The following HIVEP3 variants were observed in gnomAD, a reference collection of about 807,000 sequenced individuals.
The protein encoded by HIVEP3 is transcription factor HIVEP3.
Under a neutral mutation model 152.8 loss-of-function variants are expected in HIVEP3, and 49 were observed. The observed-to-expected ratio is 0.32, with a 90% CI of 0.26 to 0.41. The LOEUF (loss-of-function observed/expected upper bound fraction) is 0.41. Among genes scored for constraint, HIVEP3 ranks in the 10% least tolerant of loss-of-function variants. The pLI is 1.00. For missense variants in HIVEP3, 2,790 were observed against 3,103.3 expected, an observed-to-expected ratio of 0.90 and a Z score of 2.40; for synonymous variants, 1,269 against 1,289.0, an observed-to-expected ratio of 0.98 and a Z score of 0.33.
chr1:41,853,378 T>C (rs1219467238), intron 1 of HIVEP3, among the ~76,000 whole-genome samples: 1 of 152,094 alleles, frequency 6.6e-6, no homozygotes, highest in African/African-American at 2.4e-5. Flanking sequence ...TTTACAATCA[T>C]GGTGAAAGGT....
chr1:41,705,717 A>G (rs1034658497), intron 1 of HIVEP3, among the ~76,000 whole-genome samples: 5 of 152,248 alleles, frequency 3.3e-5, no homozygotes, highest in African/African-American at 4.8e-5. Context: ...AGGCAACTTC[A>G]GAGCGTGCAT....
At chr1:41,871,136 A>G (rs2124413625) in intron 1 of HIVEP3, among the ~76,000 whole-genome samples, 1 of 152,312 alleles carries the variant, frequency 6.6e-6, no homozygotes, top group South Asian at 2.1e-4. Context: ...AATCTCCAAG[A>G]TTTCCTATTA....
At chr1:41,813,033 T>A (rs1449190860) in intron 1 of HIVEP3, among the ~76,000 whole-genome samples, 1 of 152,186 alleles carries the variant, frequency 6.6e-6, no homozygotes, top group Non-Finnish European at 1.5e-5. Flanking sequence ...TTTCATTTTA[T>A]CTATTTTATT....
chr1:41,936,184 T>C (rs969666494), intron 1 of HIVEP3, among the ~76,000 whole-genome samples: 1 of 152,176 alleles, frequency 6.6e-6, no homozygotes, highest in Non-Finnish European at 1.5e-5. Context: ...CCAGAATCTC[T>C]GAACTATAAT....
chr1:41,766,680 A>T lies in HIVEP3; in HGVS notation c.-800-65685T>A, dbSNP rs527345748. Among the ~76,000 whole-genome samples the T allele has an allele frequency of 1.4e-4, 22 of 152,300 alleles. No individual in the cohort carries two copies. The South Asian group carries it at 4.3e-3, about 30-fold the overall frequency. On this transcript the variant is annotated intron_variant, in intron 1 of 8. Transcript: ENST00000372583. ...GGCACATCTGGACAGCACCTGCATC[A>T]CCAACTCCCTCTCTGCTGTGTTGGC... is the stretch of plus-strand genomic sequence containing the variant.
chr1:41,769,734 T>C lies in HIVEP3; in HGVS notation c.-800-68739A>G, dbSNP rs573277382. On this transcript the variant is annotated intron_variant, in intron 1 of 8. Coordinates refer to ENST00000372583, the MANE Select transcript of HIVEP3 (RefSeq NM_024503.5). ...ATTTGAGTAACAAAATAAACAACAATAGCATTGTATTATGACTCAAAGAAT... is the reference window on the plus strand; with the variant it reads ...ATTTGAGTAACAAAATAAACAACAACAGCATTGTATTATGACTCAAAGAAT... Among the ~76,000 whole-genome samples the C allele has an allele frequency of 2.6e-5, 4 of 152,194 alleles. No individual in the cohort carries two copies. In the South Asian group the frequency reaches 8.3e-4, roughly 32 times the overall value.
chr1:41,833,709 C>G (rs1339847591), intron 1 of HIVEP3, among the ~76,000 whole-genome samples: 2 of 152,174 alleles, frequency 1.3e-5, no homozygotes, highest in African/African-American at 4.8e-5. Flanking sequence ...ATGATGGACA[C>G]AAGAAGCACG....
At chr1:41,921,911 C>T (rs76942148), upstream of HIVEP3, among the ~76,000 whole-genome samples, 6,078 of 151,962 alleles carry the variant, frequency 0.04, 136 homozygotes, top group South Asian at 0.12. Flanking sequence ...CCAAAAAGTG[C>T]GCACACACAC....
At chr1:41,782,658 G>A (rs886744765) in intron 1 of HIVEP3, among the ~76,000 whole-genome samples, 3 of 151,638 alleles carry the variant, frequency 2.0e-5, no homozygotes, top group Admixed American at 6.6e-5. Context: ...CTTGAACCGG[G>A]GAGGTGGAGA....
intron 1 of HIVEP3, among the ~76,000 whole-genome samples, chr1:41,897,930 A>AGAGAGAGG (rs939274939): frequency 1.8e-5 from 2 of 109,880 alleles, no homozygotes; most frequent in African/African-American, 3.8e-5. Flanking sequence ...GAAAGACCTG[A>AGAGAGAGG]GAGAGAGGGA....
intron 1 of HIVEP3, among the ~76,000 whole-genome samples, chr1:41,958,839 G>C (rs566548104): frequency 6.4e-4 from 98 of 152,326 alleles, no homozygotes; most frequent in African/African-American, 2.3e-3. Context: ...CTTGGATGGT[G>C]GGTCAGGGGC....
intron 1 of HIVEP3, among the ~76,000 whole-genome samples, chr1:41,829,925 C>T (rs1642913952): frequency 6.6e-6 from 1 of 152,146 alleles, no homozygotes; most frequent in African/African-American, 2.4e-5. Flanking sequence ...CTTTTATTAT[C>T]ATTTGCATGT....
chr1:41,675,964 C>T (rs1570286366), intron 2 of HIVEP3, among the ~76,000 whole-genome samples: 1 of 150,892 alleles, frequency 6.6e-6, no homozygotes, highest in East Asian at 1.9e-4. Flanking sequence ...GACAGGACAG[C>T]TGGGGAACTG....
intron 1 of HIVEP3, among the ~76,000 whole-genome samples, chr1:41,754,844 T>G (rs1351408202): frequency 6.6e-6 from 1 of 152,204 alleles, no homozygotes; most frequent in East Asian, 1.9e-4. Context: ...AAAGATTTTT[T>G]AAAATGATAA....
intron 1 of HIVEP3, among the ~76,000 whole-genome samples, chr1:41,974,177 C>A (rs1645246522): frequency 6.6e-6 from 1 of 151,998 alleles, no homozygotes; most frequent in Non-Finnish European, 1.5e-5. Flanking sequence ...AGAAAAGGGG[C>A]AATGTCTATT....
At chr1:41,922,589 T>A (rs1459947953), upstream of HIVEP3, among the ~76,000 whole-genome samples, 1 of 152,048 alleles carries the variant, frequency 6.6e-6, no homozygotes, top group Non-Finnish European at 1.5e-5. Flanking sequence ...AAATATGTGG[T>A]CAAATATAAA....
chr1:42,002,893 C>T (rs1419171942), intron 1 of HIVEP3, among the ~76,000 whole-genome samples: 2 of 152,140 alleles, frequency 1.3e-5, no homozygotes, highest in Non-Finnish European at 2.9e-5. Flanking sequence ...GCATTTTACC[C>T]GCACATGGTA....
At chr1:41,537,428 A>G (rs1643427821) in intron 5 of HIVEP3, among the ~76,000 whole-genome samples, 1 of 152,152 alleles carries the variant, frequency 6.6e-6, no homozygotes, top group Admixed American at 6.5e-5. Flanking sequence ...TCTGAGACCC[A>G]CTTTGGCGGG....
At chr1:41,622,610 G>A (rs1025314725) in intron 3 of HIVEP3, among the ~76,000 whole-genome samples, 6 of 152,186 alleles carry the variant, frequency 3.9e-5, no homozygotes, top group Non-Finnish European at 5.9e-5. Context: ...CTATATGCCC[G>A]GCAAAGCTTC....
Sources: gnomAD v4.1 joint callset for allele counts (sites outside exome capture counted in the v4.1 genomes callset) on GRCh38, gnomAD v4.1.1 for gene constraint, MANE v1.5 for transcripts, NCBI Gene and HGNC (gene_info 2026-07-23, HGNC 2026-07-21) for gene names.